Variants in KCNH1 observed in about 807,000 individuals in gnomAD.
KCNH1 encodes voltage-gated delayed rectifier potassium channel KCNH1.
In KCNH1, 27 loss-of-function variants were observed where a neutral mutation model predicts 69.2. The ratio of observed to expected loss-of-function variants is 0.39; its 90% CI spans 0.29 to 0.54. The LOEUF is 0.54. Among genes scored for constraint, KCNH1 ranks in the 20% least tolerant of loss-of-function variants. The probability of loss-of-function intolerance (pLI) is 0.68; values close to 1 mark genes in which losing one functional copy is unlikely to be tolerated. For synonymous variants in KCNH1, 456 were observed against 487.7 expected, an observed-to-expected ratio of 0.93 and a Z score of 0.86; for missense variants, 798 against 1,261.6, an observed-to-expected ratio of 0.63 and a Z score of 5.57.
intron 10 of KCNH1, among the ~76,000 whole-genome samples, chr1:210,720,233 G>C (rs1396229078): frequency 6.6e-6 from 1 of 152,166 alleles, no homozygotes; most frequent in Non-Finnish European, 1.5e-5. Flanking sequence ...AGAACTTACA[G>C]AGACAAAGAG....
At chr1:211,081,065 C>T (rs1202952370) in intron 5 of KCNH1, among the ~76,000 whole-genome samples, 1 of 151,972 alleles carries the variant, frequency 6.6e-6, no homozygotes, top group East Asian at 1.9e-4. Flanking sequence ...TGCAATCTAC[C>T]CATCTGACAA....
At position 210,721,202 on chromosome 1, in the gene KCNH1, G is replaced by C. The variant is rs142789314; in HGVS notation, c.2113-37064C>G. On this transcript the variant is annotated intron_variant, in intron 10 of 10. Transcript: ENST00000271751. ...TCTAGGAGCCCTTCCACCTGGTGCT[G>C]GGTTTGCACACACAATAGGTACTTG... Among the ~76,000 whole-genome samples the C allele has an allele frequency of 9.9e-5, 15 of 152,190 alleles. No homozygotes were observed. The East Asian group carries it at 2.9e-3, about 29-fold the overall frequency.
chr1:211,014,364 C>T (rs12086827), intron 6 of KCNH1, among the ~76,000 whole-genome samples: 8,295 of 152,194 alleles, frequency 0.055, 735 homozygotes, highest in African/African-American at 0.19. Context: ...TTTTATCCTC[C>T]GAACATTTTA....
chr1:210,859,687 A>C, intron 7 of KCNH1: 1 of 1,280,696 alleles, frequency 7.8e-7, no homozygotes, highest in East Asian at 2.3e-5. Context: ...ATTAAATAAA[A>C]GGATAAAAGC....
At chr1:211,034,372 A>C (rs1689856486) in intron 5 of KCNH1, among the ~76,000 whole-genome samples, 1 of 152,112 alleles carries the variant, frequency 6.6e-6, no homozygotes, top group Admixed American at 6.5e-5. Flanking sequence ...TGAAATGACA[A>C]AATTATAGAA....
At chr1:211,124,450 C>A (rs1382857466) in intron 1 of KCNH1, among the ~76,000 whole-genome samples, 1 of 152,162 alleles carries the variant, frequency 6.6e-6, no homozygotes, top group African/African-American at 2.4e-5. Flanking sequence ...TTAAGACCAT[C>A]CTGGCCAACA....
chr1:211,079,435 GA>G (rs759138353), intron 5 of KCNH1, among the ~76,000 whole-genome samples: 14 of 152,134 alleles, frequency 9.2e-5, no homozygotes, highest in Non-Finnish European at 1.8e-4. Context: ...CCAATCAATA[GA>G]AAAAGAGGGA....
chr1:210,802,295 C>A (rs1216197077), intron 8 of KCNH1, among the ~76,000 whole-genome samples: 1 of 152,194 alleles, frequency 6.6e-6, no homozygotes, highest in Admixed American at 6.5e-5. Flanking sequence ...TCTCAACTGA[C>A]AATTCTAATG....
intron 7 of KCNH1, among the ~76,000 whole-genome samples, chr1:210,818,324 A>G (rs1382685405): frequency 6.6e-6 from 1 of 152,146 alleles, no homozygotes. Flanking sequence ...ATAAGCCTAC[A>G]TATTTCTCAT....
At chr1:211,101,873 A>G (rs892033889) in intron 3 of KCNH1, among the ~76,000 whole-genome samples, 2 of 152,224 alleles carry the variant, frequency 1.3e-5, no homozygotes, top group African/African-American at 4.8e-5. Flanking sequence ...TAGAGTAAAA[A>G]TTGTATATGA....
At chr1:210,771,645 G>A (rs1683756446) in intron 10 of KCNH1, among the ~76,000 whole-genome samples, 1 of 152,160 alleles carries the variant, frequency 6.6e-6, no homozygotes, top group African/African-American at 2.4e-5. Context: ...ACATACAAAT[G>A]AATTGAGCAC....
intron 5 of KCNH1, among the ~76,000 whole-genome samples, chr1:211,069,130 G>T (rs1165268127): frequency 6.6e-6 from 1 of 152,150 alleles, no homozygotes; most frequent in Non-Finnish European, 1.5e-5. Flanking sequence ...ACTGATTGGA[G>T]GAAAGGAAAT....
intron 10 of KCNH1, among the ~76,000 whole-genome samples, chr1:210,718,912 A>T (rs1251202118): frequency 5.3e-5 from 8 of 151,832 alleles, no homozygotes; most frequent in Non-Finnish European, 1.0e-4. Flanking sequence ...AAGACTCAAG[A>T]GTCTGTGGGG....
At chr1:210,721,995 C>G (rs1031546996) in intron 10 of KCNH1, among the ~76,000 whole-genome samples, 1 of 152,138 alleles carries the variant, frequency 6.6e-6, no homozygotes, top group Non-Finnish European at 1.5e-5. Context: ...CACCCTGCCA[C>G]TTCCCTCCAC....
intron 7 of KCNH1, among the ~76,000 whole-genome samples, chr1:210,884,566 A>T (rs1010921448): frequency 4.6e-5 from 7 of 152,182 alleles, no homozygotes; most frequent in African/African-American, 1.4e-4. Flanking sequence ...TCCTAGAATG[A>T]TCTTTCCTCA....
intron 6 of KCNH1, among the ~76,000 whole-genome samples, chr1:210,976,406 C>A (rs932533583): frequency 6.7e-6 from 1 of 148,826 alleles, no homozygotes; most frequent in East Asian, 2.1e-4. Flanking sequence ...CAATGAGATA[C>A]CATCTCACAC....
At position 210,709,383 on chromosome 1, in the gene KCNH1, G is replaced by A. The variant is rs572637845; in HGVS notation, c.2113-25245C>T. ...GCAAACCAGCAGGAGGTGGGAGAGA[G>A]GCATGGAACAGATTCTTCCTCACAA... On this transcript the variant is annotated intron_variant, in intron 10 of 10. Transcript: ENST00000271751. Among the ~76,000 whole-genome samples the A allele has an allele frequency of 2.6e-5, 4 of 152,270 alleles. No individual in the cohort carries two copies. The East Asian group carries it at 7.7e-4, about 29-fold the overall frequency.
intron 5 of KCNH1, among the ~76,000 whole-genome samples, chr1:211,023,156 A>AATT (rs1689620226): frequency 9.8e-6 from 1 of 101,616 alleles, no homozygotes; most frequent in Non-Finnish European, 2.1e-5. Flanking sequence ...ATAAATAAAT[A>AATT]AATAAATTAA....
At chr1:210,740,472 T>C (rs1431218022) in intron 10 of KCNH1, among the ~76,000 whole-genome samples, 1 of 152,150 alleles carries the variant, frequency 6.6e-6, no homozygotes, top group Non-Finnish European at 1.5e-5. Context: ...AACTCTATTG[T>C]TTCTGGGTTT....
Sources: allele counts gnomAD v4.1 joint callset (sites outside exome capture counted in the v4.1 genomes callset), GRCh38; gene constraint gnomAD v4.1.1; transcripts MANE v1.5; gene names NCBI Gene and HGNC (gene_info 2026-07-23, HGNC 2026-07-21).